Variants in DHPS observed in about 807,000 individuals in gnomAD.
DHPS encodes the protein deoxyhypusine synthase, also known as migration-inducing gene 13.
Under a neutral mutation model 38.7 loss-of-function variants are expected in DHPS, and 24 were observed. That is an observed-to-expected ratio of 0.62 (90% CI 0.45 to 0.87). The LOEUF (loss-of-function observed/expected upper bound fraction) is 0.87. Ranked by LOEUF, DHPS falls within the 40% of genes least tolerant of loss-of-function variation. The pLI is 0.00. For synonymous variants in DHPS, 250 were observed against 204.4 expected (o/e 1.22, Z -1.90); for missense variants, 510 against 497.6 (o/e 1.02, Z -0.24).
chr19:12,681,841 C>G lies in DHPS; in HGVS notation c.-75G>C, dbSNP rs2145377068. ...GGCGGCCCAGAAACGCGTTAAACCC[C>G]GACGCGCGCGTCTCCGCAAGAGCAC... On this transcript the variant is annotated 5_prime_UTR_variant, in exon 1 of 9. Transcript: ENST00000210060. The G allele has an allele frequency of 7.7e-7, 1 of 1,303,892 alleles. No individual in the cohort carries two copies. Among genetic ancestry groups the G allele is most frequent in the Admixed American group, 2.0e-5 (1 of 49,744 alleles). The allele number at this position is 1,303,892 out of a possible 1,614,324, so 80.8% of individuals were successfully genotyped here.
In DHPS at chr19:12,675,919, G is replaced by A; in HGVS notation, c.1029C>T (p.Ala343=). The A allele has an allele frequency of 1.9e-6, 3 of 1,608,072 alleles. No homozygotes were observed. The highest frequency in any genetic ancestry group is 2.5e-6 in the Non-Finnish European group (3 of 1,176,942). The change falls in exon 9 of 9, where the codon GCC becomes GCT. Residue 343 remains alanine (A), a synonymous_variant. Coordinates refer to ENST00000210060, the MANE Select transcript of DHPS (RefSeq NM_001930.4). ...CCACAAGCAGGGGGAAGACCAGGGA[G>A]GCGTCAGCATAGACCTGGGTAGGGG... ...DAQPVKVYAD[A]SLVFPLLVAE...
downstream of DHPS, chr19:12,672,882 G>A (rs1236237344): frequency 1.3e-6 from 2 of 1,596,352 alleles, no homozygotes; most frequent in Non-Finnish European, 1.7e-6. Context: ...TATGACCTAA[G>A]GATGGGGCAG....
In DHPS at chr19:12,681,803, A is replaced by G. The variant is rs544601122; in HGVS notation, c.-37T>C. ...CGGCTCTCGAGTCAAAGCTGCCCCT[A>G]GGCCGGGCTTACGGCGGCCCAGAAA... On this transcript the variant is annotated 5_prime_UTR_variant, in exon 1 of 9. Transcript: ENST00000210060. 14 of 1,582,992 alleles carry G rather than the reference A, an allele frequency of 8.8e-6. No individual in the cohort carries two copies. In the South Asian group the frequency reaches 1.4e-4, roughly 16 times the overall value.
rs771333352 is a variant in DHPS, at chr19:12,681,611, G to C, written c.156C>G (p.Thr52=). ...GCCCGAAGTTGGTTGCTTGGAAGCC[G>C]GTGGTGCCGAAGGCCTCCAGCAGTG... ...YRALLEAFGT[T]GFQATNFGRA... The change falls in exon 1 of 9, where the codon ACC becomes ACG. Residue 52 remains threonine, a synonymous_variant. Coordinates refer to ENST00000210060, the MANE Select transcript of DHPS (RefSeq NM_001930.4). 1 of 1,614,150 alleles carries C rather than the reference G, an allele frequency of 6.2e-7. No homozygotes were observed. Among genetic ancestry groups the C allele is most frequent in the Non-Finnish European group, 8.5e-7 (1 of 1,180,054 alleles).
At chr19:12,672,731 C>A, downstream of DHPS, 1 of 1,104,904 alleles carries the variant, frequency 9.1e-7, no homozygotes, top group Non-Finnish European at 1.3e-6. Context: ...GCCAGAGCTT[C>A]AGAATTCCAC....
downstream of DHPS, chr19:12,672,919 G>A: frequency 6.3e-7 from 1 of 1,599,634 alleles, no homozygotes; most frequent in African/African-American, 1.3e-5. Flanking sequence ...TGGGCAGTGA[G>A]TGTGGCTGGG....
In DHPS at chr19:12,679,853, A is replaced by G. The variant is rs747256360; in HGVS notation, c.442T>C (p.Leu148=). Residue 148 remains leucine, a synonymous_variant, in exon 3 of 9, where the codon TTG becomes CTG. Coordinates refer to ENST00000210060, the MANE Select transcript of DHPS (RefSeq NM_001930.4). ...DLIKCLAPTY[L]GEFSLRGKEL... Reference sequence around the variant, plus strand: ...TTCCCCCTGAGGCTAAACTCGCCCAAGTATGTGGGCGCCAGGCACTTGATG... The same window carrying G: ...TTCCCCCTGAGGCTAAACTCGCCCAGGTATGTGGGCGCCAGGCACTTGATG... The G allele has an allele frequency of 1.2e-6, 2 of 1,614,132 alleles. No individual in the cohort carries two copies. Among genetic ancestry groups the G allele is most frequent in the Non-Finnish European group, 1.7e-6 (2 of 1,180,020 alleles).
At chr19:12,675,112 C>CAA (rs370003481), downstream of DHPS, among the ~76,000 whole-genome samples, 4,959 of 144,770 alleles carry the variant, frequency 0.034, 284 homozygotes, top group African/African-American at 0.12. Context: ...GACTCCATCT[C>CAA]AAAAAAAAAC....
Position 12,676,032 on chromosome 19 carries a change from A to C in DHPS, c.999T>G (p.Asp333Glu). ...CAGCGCTTACCTTGACGGGCTGTGC[A>C]TCCACCCGGATCTTGCCCCAGGAGA... ...EAVSWGKIRV[D>E]AQPVKVYADA... The change falls in exon 8 of 9, where the codon GAT (aspartate) becomes GAG (glutamate). Residue 333 changes from aspartate to glutamate, a missense_variant. By Grantham distance (45) the Asp-to-Glu change is conservative. Transcript: ENST00000210060. The C allele has an allele frequency of 6.2e-7, 1 of 1,614,050 alleles. No homozygotes were observed. Among genetic ancestry groups the C allele is most frequent in the African/African-American group, 1.3e-5 (1 of 75,044 alleles).
chr19:12,677,084 G>A (rs1477421264), intron 7 of DHPS, 24 bp downstream of exon 7: 2 of 1,608,260 alleles, frequency 1.2e-6, no homozygotes, highest in Non-Finnish European at 1.7e-6. Flanking sequence ...CTGCAGAGTG[G>A]GCCGAAGCGC....
rs543829527 is a variant in DHPS at position 12,680,988 on chromosome 19, C to T, written c.207+572G>A. The T allele has an allele frequency of 3.4e-4, 140 of 412,828 alleles. 1 individual carries two copies. Among genetic ancestry groups the T allele is most frequent in the African/African-American group, 3.0e-3 (138 of 45,288 alleles). The allele number at this position is 412,828 out of a possible 1,614,324, so 25.6% of individuals were successfully genotyped here. ...AGCTGGGACTACAGGCGCGCAACAC[C>T]ATGCCCGGCTAATTTTTTGCATTTT... On this transcript the variant is annotated intron_variant, in intron 1 of 8. Transcript: ENST00000210060.
downstream of DHPS, among the ~76,000 whole-genome samples, chr19:12,674,704 G>A (rs1041346255): frequency 6.6e-6 from 1 of 152,172 alleles, no homozygotes; most frequent in African/African-American, 2.4e-5. Context: ...GCAGGGAACA[G>A]GCAAGCTGTG....
At chr19:12,675,657 G>A (rs1172649213), downstream of DHPS, 1 of 1,601,010 alleles carries the variant, frequency 6.2e-7, no homozygotes, top group Non-Finnish European at 8.5e-7. Context: ...ATGAGGCAGA[G>A]GATGGAGCAG....
chr19:12,681,301 G>A, intron 1 of DHPS: 1 of 1,244,874 alleles, frequency 8.0e-7, no homozygotes, highest in South Asian at 1.6e-5. Flanking sequence ...AGCTTTAAAT[G>A]TACCTAGAAC....
In DHPS at chr19:12,680,261, C is replaced by T. The variant is rs145815031; in HGVS notation, c.272G>A (p.Arg91His). The change falls in exon 2 of 9, where the codon CGC (arginine) becomes CAC (histidine). Residue 91 changes from arginine (R) to histidine (H), a missense_variant. Arg to His is a conservative substitution (Grantham distance 29). Coordinates refer to ENST00000210060, the MANE Select transcript of DHPS (RefSeq NM_001930.4). ...AATGGTGCAGCTGGTAAGTGGGCGG[C>T]GGCTCTGGGTCAGGTCCGCGTGCTG... ...EDQHADLTQS[R>H]RPLTSCTIFL... 2.9e-5 allele frequency: 46 copies of T among 1,614,006 alleles called. No individual in the cohort carries two copies. In the Admixed American group the frequency reaches 5.2e-4, roughly 18 times the overall value.
At chr19:12,681,140 C>G in intron 1 of DHPS, 1 of 1,278,126 alleles carries the variant, frequency 7.8e-7, no homozygotes, top group Non-Finnish European at 1.0e-6. Flanking sequence ...CCAGCCCCCA[C>G]CCTTTTAGGA....
intron 1 of DHPS, chr19:12,681,101 G>C: frequency 7.9e-7 from 1 of 1,267,386 alleles, no homozygotes; most frequent in Non-Finnish European, 1.0e-6. Context: ...CAAAATGCTG[G>C]GATTATAGGC....
In DHPS at chr19:12,681,780, G is replaced by A. The variant is rs1200677588; in HGVS notation, c.-14C>T. 3.1e-6 allele frequency: 5 copies of A among 1,602,384 alleles called. No individual in the cohort carries two copies. In the East Asian group the frequency reaches 6.7e-5, roughly 21 times the overall value. On this transcript the variant is annotated 5_prime_UTR_variant, in exon 1 of 9. Coordinates refer to ENST00000210060, the MANE Select transcript of DHPS (RefSeq NM_001930.4). ...GGAACCTTCCATGCGCCTATAGCCG[G>A]CTCTCGAGTCAAAGCTGCCCCTAGG...
At chr19:12,677,972 GC>G (rs992857640) in intron 5 of DHPS, among the ~76,000 whole-genome samples, 1 of 149,078 alleles carries the variant, frequency 6.7e-6, no homozygotes, top group African/African-American at 2.5e-5. Flanking sequence ...CCAGCTTGTG[GC>G]CGGGCGCGGT....
Sources: gnomAD v4.1 joint callset for allele counts (sites outside exome capture counted in the v4.1 genomes callset) on GRCh38, gnomAD v4.1.1 for gene constraint, MANE v1.5 for transcripts, NCBI Gene and HGNC (gene_info 2026-07-23, HGNC 2026-07-21) for gene names.